Variants in NRG3 observed in about 807,000 individuals in gnomAD.
NRG3 encodes pro-neuregulin-3, membrane-bound isoform.
A neutral mutation model predicts 66.9 loss-of-function variants in NRG3; 31 were observed. The ratio of observed to expected loss-of-function variants is 0.46; its 90% CI spans 0.35 to 0.63. The LOEUF (loss-of-function observed/expected upper bound fraction) is 0.63. Among genes scored for constraint, NRG3 ranks in the 20% least tolerant of loss-of-function variants. The pLI is 0.00. For missense variants in NRG3, 910 were observed against 878.9 expected, an observed-to-expected ratio of 1.04 and a Z score of -0.45; for synonymous variants, 393 against 359.4, an observed-to-expected ratio of 1.09 and a Z score of -1.06.
intron 1 of NRG3, among the ~76,000 whole-genome samples, chr10:82,157,700 G>A (rs2071288541): frequency 6.6e-6 from 1 of 150,708 alleles, no homozygotes; most frequent in Non-Finnish European, 1.5e-5. Context: ...ATAGGCAGAA[G>A]AATGACAGAC....
At chr10:82,844,288 A>C (rs1030162296) in intron 3 of NRG3, among the ~76,000 whole-genome samples, 3 of 152,196 alleles carry the variant, frequency 2.0e-5, no homozygotes, top group Non-Finnish European at 4.4e-5. Context: ...CTCTGTATTT[A>C]GTCCTTATTG....
chr10:82,592,097 G>C (rs2047015115), intron 2 of NRG3, among the ~76,000 whole-genome samples: 1 of 152,084 alleles, frequency 6.6e-6, no homozygotes, highest in Non-Finnish European at 1.5e-5. Flanking sequence ...GGATTAATAA[G>C]GATAAACAAA....
At chr10:82,366,070 C>T (rs2084500065) in intron 2 of NRG3, among the ~76,000 whole-genome samples, 2 of 152,108 alleles carry the variant, frequency 1.3e-5, no homozygotes, top group South Asian at 4.1e-4. Context: ...AGCTGAGAGA[C>T]CTGAGTTCAA....
chr10:81,909,289 T>G (rs1844891866), intron 1 of NRG3, among the ~76,000 whole-genome samples: 1 of 152,190 alleles, frequency 6.6e-6, no homozygotes. Flanking sequence ...TCTACTCCAG[T>G]CTGACCTTAT....
At position 82,617,016 on chromosome 10, in the gene NRG3, C is replaced by T. The variant is rs1175701882; in HGVS notation, c.954-121561C>T. 3.3e-5 allele frequency among the ~76,000 whole-genome samples: 5 copies of T among 152,150 alleles called. 1 individual carries two copies. The highest frequency in any genetic ancestry group is 1.9e-4 in the East Asian group (1 of 5,198). ...AATGTAAAACATATTTCTGGGCATA[C>T]GTATTGGGGGATTGGATAGTCCTTG... On this transcript the variant is annotated intron_variant, in intron 2 of 8. Coordinates refer to ENST00000372141, the MANE Select transcript of NRG3 (RefSeq NM_001010848.4).
intron 1 of NRG3, among the ~76,000 whole-genome samples, chr10:82,018,501 A>G (rs544280353): frequency 6.6e-6 from 1 of 152,312 alleles, no homozygotes; most frequent in African/African-American, 2.4e-5. Flanking sequence ...TGGGGATGGC[A>G]TCGAATCTAT....
intron 2 of NRG3, among the ~76,000 whole-genome samples, chr10:82,382,649 C>A (rs972014847): frequency 3.3e-5 from 5 of 151,894 alleles, no homozygotes; most frequent in African/African-American, 1.2e-4. Context: ...ATTGATCCAG[C>A]AGTCGAAACC....
At chr10:82,518,441 A>G (rs1845894171) in intron 2 of NRG3, among the ~76,000 whole-genome samples, 1 of 152,242 alleles carries the variant, frequency 6.6e-6, no homozygotes, top group Non-Finnish European at 1.5e-5. Context: ...CTAACAATTA[A>G]TGATAAGCAG....
At chr10:81,880,939 C>T (rs1001418643) in intron 1 of NRG3, among the ~76,000 whole-genome samples, 3 of 152,150 alleles carry the variant, frequency 2.0e-5, no homozygotes, top group Non-Finnish European at 4.4e-5. Flanking sequence ...GTGTTCCCTC[C>T]AGAACCATAT....
intron 1 of NRG3, among the ~76,000 whole-genome samples, chr10:82,349,893 A>T (rs139340690): frequency 0.15 from 22,360 of 152,158 alleles, 1,802 homozygotes; most frequent in East Asian, 0.3. Flanking sequence ...TGCGCTTCCC[A>T]AGTGAGGCAA....
intron 2 of NRG3, among the ~76,000 whole-genome samples, chr10:82,437,047 G>T (rs1005585835): frequency 6.6e-6 from 1 of 152,050 alleles, no homozygotes; most frequent in African/African-American, 2.4e-5. Context: ...TATCTTAGTG[G>T]TGTTCTCTGT....
At chr10:82,081,027 C>A (rs2065363488) in intron 1 of NRG3, among the ~76,000 whole-genome samples, 1 of 151,694 alleles carries the variant, frequency 6.6e-6, no homozygotes, top group Non-Finnish European at 1.5e-5. Flanking sequence ...AAGTAATCGT[C>A]ACTGCAATAT....
At chr10:82,042,948 G>A (rs1330857486) in intron 1 of NRG3, among the ~76,000 whole-genome samples, 1 of 152,008 alleles carries the variant, frequency 6.6e-6, no homozygotes, top group Non-Finnish European at 1.5e-5. Context: ...CATTTTATTA[G>A]AGATTTTTTC....
intron 1 of NRG3, among the ~76,000 whole-genome samples, chr10:81,910,672 G>C (rs1267058040): frequency 6.6e-6 from 1 of 152,078 alleles, no homozygotes; most frequent in African/African-American, 2.4e-5. Context: ...TCTAGAGATA[G>C]TGTCTTGATC....
intron 3 of NRG3, among the ~76,000 whole-genome samples, chr10:82,781,470 C>T (rs1392395531): frequency 1.3e-5 from 2 of 152,166 alleles, no homozygotes; most frequent in African/African-American, 4.8e-5. Context: ...TGGCTTATAT[C>T]TGTAAAGCTC....
chr10:82,144,937 C>G (rs916817204), intron 1 of NRG3, among the ~76,000 whole-genome samples: 1 of 152,162 alleles, frequency 6.6e-6, no homozygotes, highest in Admixed American at 6.5e-5. Flanking sequence ...GAGAATTGCC[C>G]TTTGTTTCTT....
At chr10:82,530,017 G>A (rs1847104381) in intron 2 of NRG3, among the ~76,000 whole-genome samples, 1 of 152,104 alleles carries the variant, frequency 6.6e-6, no homozygotes, top group Admixed American at 6.6e-5. Flanking sequence ...GCCAGTTAAG[G>A]CCAATATGGG....
At chr10:82,079,201 C>G (rs773831489) in intron 1 of NRG3, among the ~76,000 whole-genome samples, 8 of 151,840 alleles carry the variant, frequency 5.3e-5, no homozygotes, top group Non-Finnish European at 1.2e-4. Context: ...CCTGCCACAA[C>G]GCCCAGCTAA....
intron 6 of NRG3, among the ~76,000 whole-genome samples, chr10:82,962,459 T>C (rs1850751715): frequency 6.6e-6 from 1 of 152,242 alleles, no homozygotes; most frequent in Admixed American, 6.5e-5. Context: ...GTAATCATTT[T>C]AAGAAAGGTA....
Sources: gnomAD v4.1 joint callset for allele counts (sites outside exome capture counted in the v4.1 genomes callset) on GRCh38, gnomAD v4.1.1 for gene constraint, MANE v1.5 for transcripts, NCBI Gene and HGNC (gene_info 2026-07-23, HGNC 2026-07-21) for gene names.